NUP98: variants seen among roughly 807,000 people sequenced by gnomAD.
NUP98 encodes the protein nuclear pore complex protein Nup98-Nup96.
In NUP98, 26 loss-of-function variants were observed where a neutral mutation model predicts 191.9. The observed-to-expected ratio is 0.14, with a 90% CI of 0.10 to 0.19. The LOEUF is 0.19. NUP98 is among the 10% of genes least tolerant of loss of function. The pLI, the probability that NUP98 is intolerant of heterozygous loss-of-function variation, is 1.00. For synonymous variants in NUP98, 808 were observed against 778.4 expected (o/e 1.04, Z -0.63); for missense variants, 1,941 against 2,178.8 (o/e 0.89, Z 2.17).
At chr11:3,695,285 TAA>T (rs2078465096) in intron 26 of NUP98, among the ~76,000 whole-genome samples, 162 bp downstream of exon 26, 1 of 152,274 alleles carries the variant, frequency 6.6e-6, no homozygotes. Flanking sequence ...ACTAGATTTT[TAA>T]AAGTGTGCAT....
At position 3,720,815 on chromosome 11, in the gene NUP98, G is replaced by C; in HGVS notation, c.2157C>G (p.Leu719=). The C allele has an allele frequency of 1.1e-6, 1 of 895,730 alleles. No homozygotes were observed. Among genetic ancestry groups the C allele is most frequent in the East Asian group, 3.2e-5 (1 of 31,528 alleles). The allele number at this position is 895,730 out of a possible 1,614,324, so 55.5% of individuals were successfully genotyped here. A position where few individuals can be genotyped will look rare whatever the true frequency, so the allele number is the denominator to read the frequency against. ...SYHMHPAGII[L]TKVGYYTIPS... ...GAATAGTATAGTAACCAACCTTAGTGAGAATAATACCTGTGACAAAAAAAA... is the reference window on the plus strand; with the variant it reads ...GAATAGTATAGTAACCAACCTTAGTCAGAATAATACCTGTGACAAAAAAAA... The change falls in exon 17 of 33, where the codon CTC becomes CTG. Residue 719 remains leucine (L), a synonymous_variant. Transcript: ENST00000324932.
intron 14 of NUP98, among the ~76,000 whole-genome samples, chr11:3,728,693 G>C (rs276903): frequency 0.56 from 85,216 of 151,896 alleles, 25,152 homozygotes; most frequent in African/African-American, 0.76. Context: ...GAGCCGAGAT[G>C]GGGCCACTGC....
At position 3,748,545 on chromosome 11, in the gene NUP98, A is replaced by G. The variant is rs1364660577; in HGVS notation, c.1268-3896T>C. Among the ~76,000 whole-genome samples the G allele has an allele frequency of 3.3e-5, 5 of 152,222 alleles. No homozygotes were observed. The South Asian group carries it at 1.0e-3, about 31-fold the overall frequency. On this transcript the variant is annotated intron_variant, in intron 11 of 32. Transcript: ENST00000324932. Reference sequence around the variant, plus strand: ...TGGAAAAAAATAAAACTTGTGGCCCAGCACAGTGGCTTATGCCGGGAGGCT... The same window carrying G: ...TGGAAAAAAATAAAACTTGTGGCCCGGCACAGTGGCTTATGCCGGGAGGCT...
At chr11:3,735,818 T>C (rs929100486) in intron 12 of NUP98, among the ~76,000 whole-genome samples, 1 of 147,286 alleles carries the variant, frequency 6.8e-6, no homozygotes, top group Admixed American at 6.8e-5. Context: ...AATATGACAG[T>C]ATACAGGGCA....
intron 4 of NUP98, among the ~76,000 whole-genome samples, chr11:3,777,353 T>G (rs1320006266): frequency 1.3e-5 from 2 of 152,210 alleles, no homozygotes; most frequent in African/African-American, 4.8e-5. Flanking sequence ...CCAGGTGCGG[T>G]GGCTCACGCC....
At chr11:3,682,283 T>A (rs147632572) in intron 30 of NUP98, among the ~76,000 whole-genome samples, 4 of 152,312 alleles carry the variant, frequency 2.6e-5, no homozygotes, top group Non-Finnish European at 5.9e-5. Flanking sequence ...GCACTTTAAA[T>A]TTCCTTCAAG....
At chr11:3,706,972 A>G (rs957827178) in intron 20 of NUP98, among the ~76,000 whole-genome samples, 1 of 152,238 alleles carries the variant, frequency 6.6e-6, no homozygotes, top group African/African-American at 2.4e-5. Flanking sequence ...TCTGATTTAC[A>G]CAGGGTCACC....
intron 25 of NUP98, 60 bp from the exon 26 acceptor site, chr11:3,695,666 C>G (rs2078479799): frequency 8.5e-7 from 1 of 1,181,124 alleles, no homozygotes. Flanking sequence ...TCGTCAAACA[C>G]TTGGGGGCAT....
intron 4 of NUP98, among the ~76,000 whole-genome samples, chr11:3,776,532 G>A (rs1168384966): frequency 6.7e-6 from 1 of 149,298 alleles, no homozygotes; most frequent in Admixed American, 6.7e-5. Flanking sequence ...AGCCCAGGCT[G>A]GAGTGCAGTG....
rs568595771 is a variant in NUP98, at chr11:3,772,776, T to G, written c.604-848A>C. Reference sequence around the variant, plus strand: ...TTGTAGTGAGCTGAGATCACGCCACTGCACTCCAGCCTAGGCAACAGAGCA... The same window carrying G: ...TTGTAGTGAGCTGAGATCACGCCACGGCACTCCAGCCTAGGCAACAGAGCA... On this transcript the variant is annotated intron_variant, in intron 6 of 32. Coordinates refer to ENST00000324932, the MANE Select transcript of NUP98 (RefSeq NM_016320.5). Among the ~76,000 whole-genome samples the G allele has an allele frequency of 2.0e-5, 3 of 149,078 alleles. No homozygotes were observed. The East Asian group carries it at 5.9e-4, about 30-fold the overall frequency.
intron 25 of NUP98, chr11:3,697,302 A>C (rs975603957): frequency 1.3e-5 from 2 of 152,206 alleles, no homozygotes; most frequent in Non-Finnish European, 1.5e-5. Context: ...GTGTAGTGAC[A>C]GTGGAATGCA....
chr11:3,678,878 T>G (rs191364529), intron 31 of NUP98, among the ~76,000 whole-genome samples: 2 of 152,180 alleles, frequency 1.3e-5, no homozygotes, highest in Admixed American at 6.5e-5. Flanking sequence ...TCCCAGCAAT[T>G]TGGGAGGCCA....
Position 3,691,435 on chromosome 11 carries a change from C to G in NUP98, c.4366G>C (p.Gly1456Arg). 1 of 1,614,154 alleles carries G rather than the reference C, an allele frequency of 6.2e-7. No homozygotes were observed. Among genetic ancestry groups the G allele is most frequent in the Admixed American group, 1.7e-5 (1 of 60,000 alleles). Residue 1456 changes from glycine to arginine, a missense_variant, in exon 28 of 33, where the codon GGT (glycine) becomes CGT (arginine). By Grantham distance (125) the Gly-to-Arg change is moderately radical. Transcript: ENST00000324932. ...TCCTCCGCTATCACACAGCCAGAAC[C>G]CTCCAGATACGAAGGAAGTGGGGAG... ...ACSPLPSYLE[G>R]SGCVIAEEQN...
chr11:3,786,099 G>A (rs1398061697), intron 1 of NUP98, among the ~76,000 whole-genome samples: 1 of 152,148 alleles, frequency 6.6e-6, no homozygotes, highest in African/African-American at 2.4e-5. Flanking sequence ...TATTTTACAA[G>A]GAAGAAATTA....
At chr11:3,729,425 G>A (rs1046451166) in intron 14 of NUP98, among the ~76,000 whole-genome samples, 3 of 151,400 alleles carry the variant, frequency 2.0e-5, no homozygotes, top group Middle Eastern at 3.4e-3. Flanking sequence ...ACATTAAGAC[G>A]GTTGATAGGT....
intron 31 of NUP98, among the ~76,000 whole-genome samples, chr11:3,678,647 G>A (rs1255948987): frequency 6.6e-6 from 1 of 152,176 alleles, no homozygotes; most frequent in Non-Finnish European, 1.5e-5. Flanking sequence ...AACACCAGAA[G>A]TAATTTAGTG....
Position 3,762,971 on chromosome 11 carries a change from A to G in NUP98, c.1017T>C (p.Thr339=), listed in dbSNP as rs767301709. ...CTGTTCCTGTTCCAAATGCTGTCCCAGTGCTGGTGTTTGTAGCTGTCCCAA... is the reference window on the plus strand; with the variant it reads ...CTGTTCCTGTTCCAAATGCTGTCCCGGTGCTGGTGTTTGTAGCTGTCCCAA... ...GLFGTATNTS[T]GTAFGTGTGL... is the part of the protein sequence containing the mutation. Residue 339 remains threonine, a synonymous_variant, in exon 9 of 33, where the codon ACT becomes ACC. Coordinates refer to ENST00000324932, the MANE Select transcript of NUP98 (RefSeq NM_016320.5). 39 of 1,614,046 alleles carry G rather than the reference A, an allele frequency of 2.4e-5. No individual in the cohort carries two copies. The highest frequency in any genetic ancestry group is 8.9e-5 in the East Asian group (4 of 44,894).
At chr11:3,705,755 A>T (rs1041941319) in intron 21 of NUP98, among the ~76,000 whole-genome samples, 9 of 152,208 alleles carry the variant, frequency 5.9e-5, no homozygotes. Context: ...GCACATACAG[A>T]GTCTTAAAAG....
At position 3,684,766 on chromosome 11, in the gene NUP98, C is replaced by CAAAAAAAAAAAAAAAAA. The variant is rs71041370; in HGVS notation, c.4676+1190_4676+1206dup. 6.9e-5 allele frequency among the ~76,000 whole-genome samples: 7 copies of CAAAAAAAAAAAAAAAAA among 101,800 alleles called. 1 individual carries two copies. The highest frequency in any genetic ancestry group is 1.9e-4 in the African/African-American group (5 of 25,876). The allele number at this position is 101,800 out of a possible 152,430, so 66.8% of individuals were successfully genotyped here. On this transcript the variant is annotated intron_variant, in intron 29 of 32. Coordinates refer to ENST00000324932, the MANE Select transcript of NUP98 (RefSeq NM_016320.5). ...AAACTAATGTTATGCTTTCACAGGC[C>CAAAAAAAAAAAAAAAAA]AAAAAAAAAAAAAAAAAAAAAAAAA...
Sources: allele counts gnomAD v4.1 joint callset (sites outside exome capture counted in the v4.1 genomes callset), GRCh38; gene constraint gnomAD v4.1.1; transcripts MANE v1.5; gene names NCBI Gene and HGNC (gene_info 2026-07-23, HGNC 2026-07-21).